FSTL4: variants seen among roughly 807,000 people sequenced by gnomAD.
The protein encoded by FSTL4 is follistatin like 4, also known as follistatin-related protein 4.
A neutral mutation model predicts 78.2 loss-of-function variants in FSTL4; 28 were observed. The observed-to-expected ratio is 0.36, with a 90% CI of 0.27 to 0.49. FSTL4 has a LOEUF of 0.49. Ranked by LOEUF, FSTL4 falls within the 20% of genes least tolerant of loss-of-function variation. The pLI, the probability that FSTL4 is intolerant of heterozygous loss-of-function variation, is 0.98. For synonymous variants in FSTL4, 422 were observed against 440.5 expected, an observed-to-expected ratio of 0.96 and a Z score of 0.53; for missense variants, 922 against 1,084.9, an observed-to-expected ratio of 0.85 and a Z score of 2.11.
Position 133,197,503 on chromosome 5 carries a change from A to C in FSTL4, c.*1592T>G, listed in dbSNP as rs1453678979. The C allele has an allele frequency of 1.3e-5, 2 of 152,460 alleles. No individual in the cohort carries two copies. Among genetic ancestry groups the C allele is most frequent in the African/African-American group, 4.8e-5 (2 of 41,434 alleles). The allele number at this position is 152,460 out of a possible 1,614,324, so 9.4% of individuals were successfully genotyped here. A position where few individuals can be genotyped will look rare whatever the true frequency, so the allele number is the denominator to read the frequency against. Reference sequence around the variant, plus strand: ...AGACATACAAGTGATTGATCTCATGAGATCTGGGGCGGGGGATGCAGGTGG... The same window carrying C: ...AGACATACAAGTGATTGATCTCATGCGATCTGGGGCGGGGGATGCAGGTGG... On this transcript the variant is annotated 3_prime_UTR_variant, in exon 16 of 16. Transcript: ENST00000265342.
intron 13 of FSTL4, among the ~76,000 whole-genome samples, chr5:133,216,162 G>T (rs1195069628): frequency 6.6e-6 from 1 of 152,132 alleles, no homozygotes. Context: ...TATTCAATCT[G>T]TCAGAAAGAA....
intron 6 of FSTL4, among the ~76,000 whole-genome samples, chr5:133,308,702 G>C (rs895628878): frequency 6.6e-6 from 1 of 152,240 alleles, no homozygotes; most frequent in African/African-American, 2.4e-5. Flanking sequence ...CATATCATCT[G>C]TTTCATAGAG....
chr5:133,388,843 G>T (rs1024154468), intron 4 of FSTL4, among the ~76,000 whole-genome samples: 1 of 142,076 alleles, frequency 7.0e-6, no homozygotes, highest in Non-Finnish European at 1.6e-5. Flanking sequence ...CTCTCCCACA[G>T]TATTTTTTAA....
the FSTL4 span, among the ~76,000 whole-genome samples, chr5:133,691,085 C>T: frequency 6.6e-6 from 1 of 152,190 alleles, no homozygotes. Flanking sequence ...TCCCCTTTAC[C>T]ACATCGGTTT....
the FSTL4 span, among the ~76,000 whole-genome samples, chr5:133,824,962 A>G: frequency 1.8e-4 from 28 of 151,956 alleles, no homozygotes; most frequent in Non-Finnish European, 3.8e-4. Context: ...AAAAATAGAG[A>G]GGGCACCACA....
intron 3 of FSTL4, among the ~76,000 whole-genome samples, chr5:133,536,745 ATTCATTTTCACTCTGGG>A (rs1313387514): frequency 6.6e-6 from 1 of 152,090 alleles, no homozygotes; most frequent in Non-Finnish European, 1.5e-5. Context: ...ACTGTAATTC[ATTCATTTTCACTCTGGG>A]TATAGTATTC....
intron 2 of FSTL4, among the ~76,000 whole-genome samples, chr5:133,571,404 C>T (rs13168232): frequency 0.012 from 1,850 of 152,148 alleles, 22 homozygotes; most frequent in Middle Eastern, 0.058. Context: ...AGGCATAGCA[C>T]GAAATGGGAT....
chr5:133,203,427 C>A (rs1750391554), intron 14 of FSTL4, among the ~76,000 whole-genome samples: 1 of 152,182 alleles, frequency 6.6e-6, no homozygotes, highest in South Asian at 2.1e-4. Context: ...CAGCACCTGG[C>A]CTGCCTCCTC....
At chr5:133,352,026 T>C (rs1008181905) in intron 4 of FSTL4, among the ~76,000 whole-genome samples, 4 of 151,968 alleles carry the variant, frequency 2.6e-5, no homozygotes, top group Admixed American at 2.6e-4. Flanking sequence ...GCTTTAAATA[T>C]TTTATTTTGC....
chr5:133,836,324 A>C, the FSTL4 span, among the ~76,000 whole-genome samples: 1 of 152,166 alleles, frequency 6.6e-6, no homozygotes, highest in Non-Finnish European at 1.5e-5. Context: ...ACATCGTTTT[A>C]CAAATCTTAT....
chr5:133,571,100 C>G (rs781251389), intron 2 of FSTL4, among the ~76,000 whole-genome samples: 6 of 145,058 alleles, frequency 4.1e-5, no homozygotes, highest in Non-Finnish European at 9.1e-5. Flanking sequence ...TAGCCTTGAA[C>G]AAGAAAAAAA....
chr5:133,551,531 C>T (rs912526107), intron 3 of FSTL4, among the ~76,000 whole-genome samples: 3 of 152,168 alleles, frequency 2.0e-5, no homozygotes, highest in Non-Finnish European at 2.9e-5. Flanking sequence ...TAGAACACTT[C>T]GGAGCCCGGA....
At chr5:133,216,142 T>C (rs1750897985) in intron 13 of FSTL4, among the ~76,000 whole-genome samples, 1 of 152,212 alleles carries the variant, frequency 6.6e-6, no homozygotes, top group African/African-American at 2.4e-5. Context: ...CCTTTTTACC[T>C]CAAGCCTTAT....
intron 2 of FSTL4, among the ~76,000 whole-genome samples, chr5:133,578,614 T>C (rs1760335239): frequency 6.6e-6 from 1 of 152,258 alleles, no homozygotes; most frequent in Non-Finnish European, 1.5e-5. Flanking sequence ...GAAATTAAGA[T>C]GATTTGGAAA....
intron 2 of FSTL4, among the ~76,000 whole-genome samples, chr5:133,593,668 G>T (rs1760683480): frequency 6.6e-6 from 1 of 152,124 alleles, no homozygotes; most frequent in African/African-American, 2.4e-5. Context: ...CCAGGCGTGG[G>T]GAATCCGGGA....
At chr5:133,669,181 G>T in the FSTL4 span, among the ~76,000 whole-genome samples, 2 of 152,204 alleles carry the variant, frequency 1.3e-5, no homozygotes, top group African/African-American at 4.8e-5. Flanking sequence ...AGCTGGACAT[G>T]CCAGGTTCTT....
At chr5:133,247,815 C>T (rs1209697677) in intron 7 of FSTL4, 1 of 152,280 alleles carries the variant, frequency 6.6e-6, no homozygotes. Flanking sequence ...TGTGACAAGG[C>T]TAGGGGAAGG....
chr5:133,388,023 C>T (rs1374721676), intron 4 of FSTL4: 3 of 152,220 alleles, frequency 2.0e-5, no homozygotes, highest in African/African-American at 4.8e-5. Context: ...TTTTAACATA[C>T]CGAGTCAAGG....
At chr5:133,835,953 A>G in the FSTL4 span, among the ~76,000 whole-genome samples, 1 of 152,196 alleles carries the variant, frequency 6.6e-6, no homozygotes, top group Non-Finnish European at 1.5e-5. Context: ...TCATCATGAA[A>G]TGATTATTTT....
Sources: allele counts gnomAD v4.1 joint callset (sites outside exome capture counted in the v4.1 genomes callset), GRCh38; gene constraint gnomAD v4.1.1; transcripts MANE v1.5; gene names NCBI Gene and HGNC (gene_info 2026-07-23, HGNC 2026-07-21).